NEUROD4: variants seen among roughly 807,000 people sequenced by gnomAD.
The protein encoded by NEUROD4 is neurogenic differentiation factor 4.
A neutral mutation model predicts 19.8 loss-of-function variants in NEUROD4; 16 were observed. The observed-to-expected ratio is 0.81, with a 90% CI of 0.55 to 1.23. The LOEUF is 1.23. NEUROD4 is among the 50% of genes most tolerant of loss of function. The probability of loss-of-function intolerance (pLI) is 0.00; values close to 1 mark genes in which losing one functional copy is unlikely to be tolerated. For missense variants in NEUROD4, 439 were observed against 398.6 expected, an observed-to-expected ratio of 1.10 and a Z score of -0.86; for synonymous variants, 153 against 147.9, an observed-to-expected ratio of 1.03 and a Z score of -0.25.
At chr12:55,025,398 A>T (rs1026429788) in intron 1 of NEUROD4, among the ~76,000 whole-genome samples, 2 of 152,102 alleles carry the variant, frequency 1.3e-5, no homozygotes, top group Non-Finnish European at 2.9e-5. Context: ...CAGATTTTTC[A>T]TTTTAAATAA....
chr12:55,023,621 T>C (rs1952691170), intron 1 of NEUROD4, among the ~76,000 whole-genome samples: 1 of 152,174 alleles, frequency 6.6e-6, no homozygotes, highest in South Asian at 2.1e-4. Context: ...TCCATTCTTT[T>C]GAAACCATAC....
In NEUROD4 at chr12:55,026,773, C is replaced by T. The variant is rs768501269; in HGVS notation, c.334C>T (p.Arg112Ter). The T allele has an allele frequency of 6.2e-6, 10 of 1,613,896 alleles. No homozygotes were observed. Among genetic ancestry groups the T allele is most frequent in the African/African-American group, 2.7e-5 (2 of 74,906 alleles). Residue 112 changes from arginine (R) to a stop codon, truncating the protein, a stop_gained, in exon 2 of 2, where the codon CGA becomes TGA. Coordinates refer to ENST00000242994, the MANE Select transcript of NEUROD4 (RefSeq NM_021191.3). LOFTEE classifies it high-confidence loss of function. ...GAATGACGCCCTGGATAACCTGAGG[C>T]GAGTCATGCCATGCTACTCTAAAAC... ...GLNDALDNLR[R>*]VMPCYSKTQK...
Position 55,026,414 on chromosome 12 carries a change from A to G in NEUROD4, c.-9-17A>G. 1 of 1,568,662 alleles carries G rather than the reference A, an allele frequency of 6.4e-7. No individual in the cohort carries two copies. The highest frequency in any genetic ancestry group is 1.2e-5 in the South Asian group (1 of 83,078). On this transcript the variant is annotated splice_polypyrimidine_tract_variant and intron_variant, in intron 1 of 1. Coordinates refer to ENST00000242994, the MANE Select transcript of NEUROD4 (RefSeq NM_021191.3). The stretch of plus-strand genomic sequence containing the variant: ...AGGTACTCACAGGAATTAACCTTTG[A>G]TATTTCCCTTTTCCAGAGTCTGGAA...
rs1053470935 is a variant in NEUROD4 at position 55,026,929 on chromosome 12, C to T, written c.490C>T (p.Gln164Ter). 8 of 1,614,182 alleles carry T rather than the reference C, an allele frequency of 5.0e-6. No individual in the cohort carries two copies. Among genetic ancestry groups the T allele is most frequent in the Non-Finnish European group, 6.8e-6 (8 of 1,180,030 alleles). Residue 164 changes from glutamine (Q) to a stop codon, truncating the protein, a stop_gained, in exon 2 of 2, where the codon CAG (glutamine) becomes TAG (stop). Coordinates refer to ENST00000242994, the MANE Select transcript of NEUROD4 (RefSeq NM_021191.3). LOFTEE classifies it high-confidence loss of function. ...FVEMLCKGLS[Q>*]PTSNLVAGCL... ...GGAGATGCTGTGTAAAGGGCTCTCT[C>T]AGCCCACAAGCAACCTGGTGGCTGG...
Position 55,027,377 on chromosome 12 carries a change from A to C in NEUROD4, c.938A>C (p.Tyr313Ser). 1 of 1,613,874 alleles carries C rather than the reference A, an allele frequency of 6.2e-7. No homozygotes were observed. The highest frequency in any genetic ancestry group is 8.5e-7 in the Non-Finnish European group (1 of 1,179,830). ...TATGATGTTCCTATAGACATGTCCTATGATTCCTACCCCCATCATGGTATT... is the reference window on the plus strand; with the variant it reads ...TATGATGTTCCTATAGACATGTCCTCTGATTCCTACCCCCATCATGGTATT... ...PRYDVPIDMS[Y>S]DSYPHHGIGT... The change falls in exon 2 of 2, where the codon TAT becomes TCT. Residue 313 changes from tyrosine (Y) to serine (S), a missense_variant. By Grantham distance (144) the Tyr-to-Ser change is moderately radical. Coordinates refer to ENST00000242994, the MANE Select transcript of NEUROD4 (RefSeq NM_021191.3).
At chr12:55,025,185 A>G (rs1234306232) in intron 1 of NEUROD4, among the ~76,000 whole-genome samples, 1 of 152,236 alleles carries the variant, frequency 6.6e-6, no homozygotes, top group Non-Finnish European at 1.5e-5. Context: ...CTCTTCCAGA[A>G]TTGAATGCAA....
At chr12:55,021,661 C>G (rs1952674375) in intron 1 of NEUROD4, among the ~76,000 whole-genome samples, 1 of 151,820 alleles carries the variant, frequency 6.6e-6, no homozygotes, top group African/African-American at 2.4e-5. Context: ...TTTGCTAGAA[C>G]AGATTTAAAA....
At position 55,027,493 on chromosome 12, in the gene NEUROD4, G is replaced by A. The variant is rs142372796; in HGVS notation, c.*58G>A. On this transcript the variant is annotated 3_prime_UTR_variant, in exon 2 of 2. Transcript: ENST00000242994. ...TGGAGACATTTTCCATAATTCAAGT[G>A]GTTGAGCTAAAGATTCAATGACCTT... The A allele has an allele frequency of 1.2e-3, 1,803 of 1,493,576 alleles. 17 individuals carry two copies. The African/African-American group carries it at 0.023, about 19-fold the overall frequency. The allele number at this position is 1,493,576 out of a possible 1,614,324, so 92.5% of individuals were successfully genotyped here.
At chr12:55,024,824 A>T (rs1952709079) in intron 1 of NEUROD4, among the ~76,000 whole-genome samples, 1 of 152,218 alleles carries the variant, frequency 6.6e-6, no homozygotes, top group South Asian at 2.1e-4. Context: ...TTCCGTGCTG[A>T]TTAACATGAA....
Position 55,027,559 on chromosome 12 carries a change from C to T in NEUROD4, c.*124C>T. 1 of 919,722 alleles carries T rather than the reference C, an allele frequency of 1.1e-6. No individual in the cohort carries two copies. The highest frequency in any genetic ancestry group is 2.5e-5 in the East Asian group (1 of 40,566). The allele number at this position is 919,722 out of a possible 1,614,324, so 57.0% of individuals were successfully genotyped here. On this transcript the variant is annotated 3_prime_UTR_variant, in exon 2 of 2. Transcript: ENST00000242994. ...ATATATATCAAACAATAGTTCAAGT[C>T]CATTTAGGCTTTCCTTCACCTATCA...
rs1952770646 is a variant in NEUROD4, at chr12:55,029,590, T to C, written c.*2155T>C. The C allele has an allele frequency of 6.0e-6, 1 of 167,052 alleles. No homozygotes were observed. The allele number at this position is 167,052 out of a possible 1,614,324, so 10.3% of individuals were successfully genotyped here. A position where few individuals can be genotyped will look rare whatever the true frequency, so the allele number is the denominator to read the frequency against. On this transcript the variant is annotated 3_prime_UTR_variant, in exon 2 of 2. Transcript: ENST00000242994. ...CCTAAAATTTTATTTGGAAAGTAGCTCATAATTTTGCTAAGAACTGCTGAG... is the reference window on the plus strand; with the variant it reads ...CCTAAAATTTTATTTGGAAAGTAGCCCATAATTTTGCTAAGAACTGCTGAG...
chr12:55,020,568 A>T (rs1386173300), intron 1 of NEUROD4, among the ~76,000 whole-genome samples: 1 of 152,214 alleles, frequency 6.6e-6, no homozygotes, highest in Admixed American at 6.5e-5. Flanking sequence ...CATTTTAATA[A>T]AGTGAAGAAT....
intron 1 of NEUROD4, among the ~76,000 whole-genome samples, chr12:55,021,335 A>C (rs1952672221): frequency 6.6e-6 from 1 of 152,222 alleles, no homozygotes; most frequent in Non-Finnish European, 1.5e-5. Context: ...CTCTGGGAAA[A>C]GAATTTAGTC....
At position 55,027,935 on chromosome 12, in the gene NEUROD4, C is replaced by T. The variant is rs1214154521; in HGVS notation, c.*500C>T. On this transcript the variant is annotated 3_prime_UTR_variant, in exon 2 of 2. Coordinates refer to ENST00000242994, the MANE Select transcript of NEUROD4 (RefSeq NM_021191.3). ...GAAATAATAGGAAAGGGATGCTATG[C>T]ATAGAATGATCAAATTGAATTATCA... is the stretch of plus-strand genomic sequence containing the variant. The T allele has an allele frequency of 6.0e-6, 1 of 167,868 alleles. No individual in the cohort carries two copies. Among genetic ancestry groups the T allele is most frequent in the African/African-American group, 2.4e-5 (1 of 41,450 alleles). 10.4% of individuals were successfully genotyped at this position (167,868 alleles called of 1,614,324 possible). A position where few individuals can be genotyped will look rare whatever the true frequency, so the allele number is the denominator to read the frequency against.
chr12:55,026,145 G>A (rs754414181), intron 1 of NEUROD4, among the ~76,000 whole-genome samples: 1 of 151,550 alleles, frequency 6.6e-6, no homozygotes, highest in African/African-American at 2.4e-5. Flanking sequence ...ATATATCTTT[G>A]GACTGGTATA....
intron 1 of NEUROD4, among the ~76,000 whole-genome samples, chr12:55,026,011 T>C (rs923296940): frequency 6.6e-6 from 1 of 152,216 alleles, no homozygotes; most frequent in Non-Finnish European, 1.5e-5. Context: ...ACAATAATTA[T>C]TACACACATA....
At chr12:55,024,733 C>T (rs1267767498) in intron 1 of NEUROD4, among the ~76,000 whole-genome samples, 1 of 152,186 alleles carries the variant, frequency 6.6e-6, no homozygotes, top group Non-Finnish European at 1.5e-5. Context: ...AGCTAGTTGA[C>T]CAATAAGTTC....
chr12:55,023,674 C>T (rs1952691907), intron 1 of NEUROD4, among the ~76,000 whole-genome samples: 1 of 152,134 alleles, frequency 6.6e-6, no homozygotes, highest in Admixed American at 6.5e-5. Context: ...GGACCGGCAC[C>T]TGTGAGAACA....
At chr12:55,026,139 A>G (rs1219696202) in intron 1 of NEUROD4, among the ~76,000 whole-genome samples, 2 of 152,198 alleles carry the variant, frequency 1.3e-5, no homozygotes, top group Non-Finnish European at 2.9e-5. Context: ...AGAAAAATAT[A>G]TCTTTGGACT....
Sources: gnomAD v4.1 joint callset for allele counts (sites outside exome capture counted in the v4.1 genomes callset) on GRCh38, gnomAD v4.1.1 for gene constraint, MANE v1.5 for transcripts, NCBI Gene and HGNC (gene_info 2026-07-23, HGNC 2026-07-21) for gene names.